The following KHDRBS3 variants were observed in gnomAD, a reference collection of about 807,000 sequenced individuals.
The protein encoded by KHDRBS3 is KH domain-containing, RNA-binding, signal transduction-associated protein 3.
KHDRBS3 carries 23 observed loss-of-function variants against 45.6 expected under a neutral mutation model. That is an observed-to-expected ratio of 0.50 (90% CI 0.36 to 0.72). The LOEUF (loss-of-function observed/expected upper bound fraction) is 0.72, where lower values mean the gene tolerates loss of function less well. KHDRBS3 is among the 30% of genes least tolerant of loss of function. KHDRBS3 has a pLI of 0.00. For synonymous variants in KHDRBS3, 162 were observed against 156.5 expected, an observed-to-expected ratio of 1.04 and a Z score of -0.26; for missense variants, 352 against 424.8, an observed-to-expected ratio of 0.83 and a Z score of 1.51.
intron 1 of KHDRBS3, chr8:135,458,769 T>A (rs1821262179): frequency 4.6e-6 from 2 of 435,676 alleles, no homozygotes; most frequent in Non-Finnish European, 9.2e-6. Context: ...TTCACACGAC[T>A]CCAGCCAGCT....
In KHDRBS3 at chr8:135,548,894, C is replaced by T. The variant is rs16905401; in HGVS notation, c.465C>T (p.Leu155=). The T allele has an allele frequency of 2.4e-3, 3,785 of 1,584,330 alleles. 57 individuals are homozygous for T. The African/African-American group carries it at 0.037, about 15-fold the overall frequency. ...CTTTGGAAGAAATCAAAAAGTTCCT[C>T]ATCCCTGTTAGTACCATTTTTCTTG... ...GHALEEIKKF[L]IPDYNDEIRQ... Residue 155 remains leucine, a synonymous_variant, in exon 4 of 9, where the codon CTC becomes CTT. Coordinates refer to ENST00000355849, the MANE Select transcript of KHDRBS3 (RefSeq NM_006558.3).
intron 1 of KHDRBS3, among the ~76,000 whole-genome samples, chr8:135,502,599 T>C (rs1001209388): frequency 5.3e-5 from 8 of 152,340 alleles, no homozygotes; most frequent in South Asian, 2.1e-4. Flanking sequence ...TTAAATCTTA[T>C]GTTTCTTGAG....
At chr8:135,548,932 T>C in intron 4 of KHDRBS3, 32 bp downstream of exon 4, 1 of 1,478,612 alleles carries the variant, frequency 6.8e-7, no homozygotes, top group Non-Finnish European at 9.1e-7. Flanking sequence ...AGTTAACTTG[T>C]ACTTTAAAGT....
At chr8:135,652,276 G>A (rs546507506), downstream of KHDRBS3, among the ~76,000 whole-genome samples, 7 of 152,160 alleles carry the variant, frequency 4.6e-5, no homozygotes, top group Non-Finnish European at 1.0e-4. Context: ...ATCCCGTCCA[G>A]TTGAAGTTGA....
chr8:135,487,300 G>C (rs558898942), intron 1 of KHDRBS3, among the ~76,000 whole-genome samples: 18 of 152,252 alleles, frequency 1.2e-4, no homozygotes, highest in Admixed American at 1.2e-3. Flanking sequence ...TAGCTTAGAG[G>C]TGCTGCTGGT....
intron 3 of KHDRBS3, among the ~76,000 whole-genome samples, chr8:135,547,926 C>T (rs753791393): frequency 3.9e-5 from 6 of 152,120 alleles, no homozygotes; most frequent in Non-Finnish European, 8.8e-5. Context: ...AGTTCCTTAA[C>T]GATCTGTTTT....
intron 4 of KHDRBS3, among the ~76,000 whole-genome samples, chr8:135,556,053 A>G (rs1214622477): frequency 6.6e-6 from 1 of 152,190 alleles, no homozygotes; most frequent in Non-Finnish European, 1.5e-5. Flanking sequence ...TGTCCCTACA[A>G]AGGACATGAA....
chr8:135,585,187 C>A (rs1828408827), intron 6 of KHDRBS3, among the ~76,000 whole-genome samples: 1 of 148,736 alleles, frequency 6.7e-6, no homozygotes, highest in African/African-American at 2.5e-5. Context: ...TGTGATCGCC[C>A]CACTGCACCC....
At chr8:135,595,639 C>T (rs1563794147) in intron 6 of KHDRBS3, among the ~76,000 whole-genome samples, 2 of 152,310 alleles carry the variant, frequency 1.3e-5, no homozygotes, top group Non-Finnish European at 1.5e-5. Context: ...ATTACATGTG[C>T]CTTCTGGTGG....
intron 7 of KHDRBS3, among the ~76,000 whole-genome samples, chr8:135,609,531 G>C (rs1468437772): frequency 6.6e-6 from 1 of 152,108 alleles, no homozygotes; most frequent in African/African-American, 2.4e-5. Flanking sequence ...CTGGGCTCAA[G>C]CAGTGTGCCC....
chr8:135,541,015 AT>A (rs1826023222), intron 2 of KHDRBS3: 1 of 152,246 alleles, frequency 6.6e-6, no homozygotes. Flanking sequence ...TTCAGAAAGG[AT>A]GAGAAATTTA....
At chr8:135,550,167 G>T (rs1001121569) in intron 4 of KHDRBS3, among the ~76,000 whole-genome samples, 3 of 152,126 alleles carry the variant, frequency 2.0e-5, no homozygotes, top group African/African-American at 7.2e-5. Context: ...GTGTGGACCA[G>T]GCAGTGCAGA....
intron 5 of KHDRBS3, among the ~76,000 whole-genome samples, chr8:135,564,020 A>T (rs1166329465): frequency 6.6e-6 from 1 of 152,236 alleles, no homozygotes; most frequent in Non-Finnish European, 1.5e-5. Context: ...AAGTGAGAAC[A>T]TTAGGCTAAC....
chr8:135,457,968 C>G lies in KHDRBS3; in HGVS notation c.88+14C>G. Reference sequence around the variant, plus strand: ...TGGTGAACCAAGGTGAGGCGCCGGCCGTTAACTGCCGGCCGGCGGCGGTTG... The same window carrying G: ...TGGTGAACCAAGGTGAGGCGCCGGCGGTTAACTGCCGGCCGGCGGCGGTTG... On this transcript the variant is annotated intron_variant, in intron 1 of 8. Transcript: ENST00000355849. This position sits in a 1 kb window ranked among gnomAD's most constrained non-coding sequence, Gnocchi z 4.4. 6.3e-7 allele frequency: 1 copy of G among 1,579,200 alleles called. No homozygotes were observed. The highest frequency in any genetic ancestry group is 1.4e-5 in the African/African-American group (1 of 73,152).
At position 135,581,940 on chromosome 8, in the gene KHDRBS3, C is replaced by T. The variant is rs367942324; in HGVS notation, c.674C>T (p.Pro225Leu). The T allele has an allele frequency of 6.2e-7, 1 of 1,613,040 alleles. No individual in the cohort carries two copies. The highest frequency in any genetic ancestry group is 1.3e-5 in the African/African-American group (1 of 74,902). The change falls in exon 6 of 9, where the codon CCC becomes CTC. Residue 225 changes from proline (P) to leucine (L), a missense_variant. Physicochemically the swap from Pro to Leu is moderately conservative, Grantham distance 98. Around this residue, in one of 6 missense-constraint regions of KHDRBS3, gnomAD observed 212 missense variants for 209.6 expected, o/e 1.01. Coordinates refer to ENST00000355849, the MANE Select transcript of KHDRBS3 (RefSeq NM_006558.3). Reference sequence around the variant, plus strand: ...GTAGTACCACGAGGGACGCCAACTCCCAGAGGAGTCCTGTCCACCCGAGGG... The same window carrying T: ...GTAGTACCACGAGGGACGCCAACTCTCAGAGGAGTCCTGTCCACCCGAGGG... ...GVVVPRGTPT[P>L]RGVLSTRGPV...
chr8:135,557,340 A>G (rs1414807066), intron 4 of KHDRBS3, 108 bp from the exon 5 acceptor site: 2 of 516,950 alleles, frequency 3.9e-6, no homozygotes, highest in Admixed American at 4.0e-5. Flanking sequence ...TGTAAATTCA[A>G]CTATTTTCCT....
chr8:135,609,175 GT>G (rs1392341497), intron 7 of KHDRBS3, among the ~76,000 whole-genome samples: 2 of 151,932 alleles, frequency 1.3e-5, no homozygotes, highest in Non-Finnish European at 2.9e-5. Flanking sequence ...TAAACTTGTA[GT>G]TTTTATTAAT....
Position 135,515,226 on chromosome 8 carries a change from C to T in KHDRBS3, c.89-6011C>T, listed in dbSNP as rs372538415. Among the ~76,000 whole-genome samples the T allele has an allele frequency of 3.3e-5, 5 of 151,550 alleles. No homozygotes were observed. The East Asian group carries it at 7.8e-4, about 24-fold the overall frequency. ...CTAAAAATACAAAAAATTAGCCAGG[C>T]GTGGTGGCGGGCGCCTGTGGTCCCA... On this transcript the variant is annotated intron_variant, in intron 1 of 8. Transcript: ENST00000355849.
chr8:135,514,502 G>C (rs1311376118), intron 1 of KHDRBS3, among the ~76,000 whole-genome samples: 2 of 152,180 alleles, frequency 1.3e-5, no homozygotes, highest in African/African-American at 4.8e-5. Context: ...ATATGACACA[G>C]CTAAGCAGTC....
Sources: gnomAD v4.1 joint callset for allele counts (sites outside exome capture counted in the v4.1 genomes callset) on GRCh38, gnomAD v4.1.1 for gene constraint, gnomAD v4.1.1 regional missense constraint, Gnocchi (gnomAD v3.1) non-coding constraint, MANE v1.5 for transcripts, NCBI Gene and HGNC (gene_info 2026-07-23, HGNC 2026-07-21) for gene names.